The following MME variants were observed in gnomAD, a reference collection of about 807,000 sequenced individuals.
MME encodes neprilysin.
A neutral mutation model predicts 113.2 loss-of-function variants in MME; 98 were observed. The observed-to-expected ratio is 0.87, with a 90% CI of 0.74 to 1.02. MME has a LOEUF of 1.02. MME is among the 50% of genes least tolerant of loss of function. The probability of loss-of-function intolerance (pLI) is 0.00; values close to 1 mark genes in which losing one functional copy is unlikely to be tolerated. For missense variants in MME, 836 were observed against 896.0 expected (o/e 0.93, Z 0.86); for synonymous variants, 292 against 300.6 (o/e 0.97, Z 0.30).
In MME at chr3:155,042,918, ATATATATATATATATATATATG is replaced by A. The variant is rs1274184517; in HGVS notation, c.-11+18614_-11+18635del. Among the ~76,000 whole-genome samples the A allele has an allele frequency of 4.1e-3, 220 of 53,588 alleles. 2 individuals carry two copies. Among genetic ancestry groups the A allele is most frequent in the African/African-American group, 0.017 (185 of 11,180 alleles). 35.2% of individuals were successfully genotyped at this position (53,588 alleles called of 152,430 possible). A position where few individuals can be genotyped will look rare whatever the true frequency, so the allele number is the denominator to read the frequency against. On this transcript the variant is annotated intron_variant, in intron 1 of 22. Transcript: ENST00000492661. ...GTAGGTTTTATATATATATATATAT[ATATATATATATATATATATATG>A]TATATATATATATATATATCACATT...
intron 1 of MME, among the ~76,000 whole-genome samples, chr3:155,029,295 TAA>T (rs915345594): frequency 2.0e-5 from 3 of 152,120 alleles, no homozygotes; most frequent in African/African-American, 7.2e-5. Context: ...TTTGACCATA[TAA>T]GAGTTTCATA....
chr3:155,125,345 A>C (rs1236967103), intron 8 of MME, among the ~76,000 whole-genome samples: 3 of 139,198 alleles, frequency 2.2e-5, no homozygotes, highest in Non-Finnish European at 4.7e-5. Context: ...TGAACCCGGT[A>C]CCTCAGATGG....
chr3:155,166,983 T>A lies in MME; in HGVS notation c.1742T>A (p.Val581Asp), dbSNP rs1173566915. The A allele has an allele frequency of 3.7e-6, 6 of 1,613,642 alleles. No individual in the cohort carries two copies. The highest frequency in any genetic ancestry group is 5.1e-6 in the Non-Finnish European group (6 of 1,179,788). The change falls in exon 18 of 23, where the codon GTC (valine) becomes GAC (aspartate). Residue 581 changes from valine to aspartate, a missense_variant. Transcript: ENST00000360490. Reference sequence around the variant, plus strand: ...TTGAACTATGGGGGCATCGGCATGGTCATAGGACACGAAATCACCCATGGC... The same window carrying A: ...TTGAACTATGGGGGCATCGGCATGGACATAGGACACGAAATCACCCATGGC... ...NSLNYGGIGMVIGHEITHGFD... is the reference protein window; with the variant it reads ...NSLNYGGIGMDIGHEITHGFD...
intron 14 of MME, among the ~76,000 whole-genome samples, chr3:155,144,832 G>A (rs1721385307): frequency 6.6e-6 from 1 of 152,004 alleles, no homozygotes. Flanking sequence ...CATAAGAATA[G>A]GTCTAAGATT....
chr3:155,153,049 T>C (rs912652840), intron 16 of MME, among the ~76,000 whole-genome samples: 4 of 151,824 alleles, frequency 2.6e-5, no homozygotes, highest in African/African-American at 7.3e-5. Flanking sequence ...TTTTTTTTTT[T>C]TTTTTAAGAC....
chr3:155,079,506 G>T (rs940405201), upstream of MME: 5 of 152,184 alleles, frequency 3.3e-5, no homozygotes, highest in East Asian at 1.9e-4. Context: ...GCCACCGCCC[G>T]CCCCCCGTCT....
At position 155,134,209 on chromosome 3, in the gene MME, G is replaced by A. The variant is rs553611247; in HGVS notation, c.721-3893G>A. On this transcript the variant is annotated intron_variant, in intron 8 of 22. Transcript: ENST00000360490. Reference sequence around the variant, plus strand: ...ACATGGATATATTGCATGGTACTGAGGTTTAGAATATGAATGACCCCATCA... The same window carrying A: ...ACATGGATATATTGCATGGTACTGAAGTTTAGAATATGAATGACCCCATCA... 6.6e-5 allele frequency among the ~76,000 whole-genome samples: 10 copies of A among 152,118 alleles called. No homozygotes were observed. The South Asian group carries it at 2.1e-3, about 32-fold the overall frequency.
chr3:155,132,790 C>T (rs1456501221), intron 8 of MME, among the ~76,000 whole-genome samples: 2 of 151,786 alleles, frequency 1.3e-5, no homozygotes, highest in African/African-American at 4.8e-5. Context: ...CGTGGTGGCT[C>T]ATGCTTGTAT....
intron 14 of MME, among the ~76,000 whole-genome samples, chr3:155,145,616 T>A (rs1721442251): frequency 6.6e-6 from 1 of 152,162 alleles, no homozygotes; most frequent in Non-Finnish European, 1.5e-5. Flanking sequence ...GATAAATTAA[T>A]TTCCCATCCT....
intron 4 of MME, 39 bp from the exon 5 acceptor site, chr3:155,116,440 C>A: frequency 7.3e-7 from 1 of 1,369,516 alleles, no homozygotes; most frequent in Non-Finnish European, 1.0e-6. Flanking sequence ...TGCAAATGAG[C>A]AATTATGTTG....
At chr3:155,079,687 G>T (rs1231067629), upstream of MME, 1 of 152,584 alleles carries the variant, frequency 6.6e-6, no homozygotes, top group Non-Finnish European at 1.5e-5. Context: ...TGTGCAAGTG[G>T]CGAAGCTTGA....
In MME at chr3:155,145,263, C is replaced by T. The variant is rs139449220; in HGVS notation, c.1416+806C>T. ...CATGACATGGCTCTGCTTGGTAAAG[C>T]CAGTTGGATTGTTCTGGATCGGCAT... On this transcript the variant is annotated intron_variant, in intron 14 of 22. Coordinates refer to ENST00000360490, the MANE Select transcript of MME (RefSeq NM_007289.4). Among the ~76,000 whole-genome samples the T allele has an allele frequency of 2.9e-4, 44 of 152,154 alleles. No homozygotes were observed. The East Asian group carries it at 7.8e-3, about 27-fold the overall frequency.
Position 155,168,492 on chromosome 3 carries a change from G to A in MME, c.1781G>A (p.Gly594Asp). 1 of 1,610,870 alleles carries A rather than the reference G, an allele frequency of 6.2e-7. No homozygotes were observed. Among genetic ancestry groups the A allele is most frequent in the Non-Finnish European group, 8.5e-7 (1 of 1,177,604 alleles). Residue 594 changes from glycine (G) to aspartate (D), a missense_variant and splice_region_variant, in exon 19 of 23, where the codon GGC (glycine) becomes GAC (aspartate). Physicochemically the swap from Gly to Asp is moderately conservative, Grantham distance 94. Transcript: ENST00000360490. ...TTTTACTTAAATAAATATATTATAGGCAGAAACTTTAACAAAGATGGAGAC... is the reference window on the plus strand; with the variant it reads ...TTTTACTTAAATAAATATATTATAGACAGAAACTTTAACAAAGATGGAGAC... ...HEITHGFDDN[G>D]RNFNKDGDLV...
intron 3 of MME, among the ~76,000 whole-genome samples, chr3:155,107,777 G>T (rs1288304953): frequency 6.6e-6 from 1 of 152,188 alleles, no homozygotes; most frequent in African/African-American, 2.4e-5. Context: ...ACTCAGCTGA[G>T]ATTGAACAAG....
At chr3:155,051,972 C>A (rs1017233875) in intron 1 of MME, among the ~76,000 whole-genome samples, 1 of 152,178 alleles carries the variant, frequency 6.6e-6, no homozygotes, top group South Asian at 2.1e-4. Context: ...GATAAATACA[C>A]CTGTTCCAAA....
At chr3:155,045,485 C>T (rs1410116431) in intron 1 of MME, among the ~76,000 whole-genome samples, 4 of 150,226 alleles carry the variant, frequency 2.7e-5, no homozygotes, top group African/African-American at 9.8e-5. Context: ...GTATAAATGT[C>T]TAGGTAGTTG....
chr3:155,109,175 C>T (rs1029501063), intron 3 of MME, among the ~76,000 whole-genome samples: 1 of 149,512 alleles, frequency 6.7e-6, no homozygotes, highest in Non-Finnish European at 1.5e-5. Flanking sequence ...CAAAACCAGG[C>T]CTGTTGGTGC....
chr3:155,084,145 T>C lies in MME; in HGVS notation c.-10-13T>C. The C allele has an allele frequency of 6.2e-7, 1 of 1,604,656 alleles. No individual in the cohort carries two copies. Among genetic ancestry groups the C allele is most frequent in the South Asian group, 1.1e-5 (1 of 90,772 alleles). On this transcript the variant is annotated splice_polypyrimidine_tract_variant and intron_variant, in intron 1 of 22. Transcript: ENST00000360490. Reference sequence around the variant, plus strand: ...TATTTGTTTTTCATTATTAGTATTTTCATTTTTTGCAGATTTTAGGTGATG... The same window carrying C: ...TATTTGTTTTTCATTATTAGTATTTCCATTTTTTGCAGATTTTAGGTGATG...
At position 155,040,158 on chromosome 3, in the gene MME, T is replaced by A. The variant is rs1047113174; in HGVS notation, c.-11+15834T>A. Among the ~76,000 whole-genome samples the A allele has an allele frequency of 3.9e-5, 6 of 151,950 alleles. No homozygotes were observed. In the South Asian group the frequency reaches 8.3e-4, roughly 21 times the overall value. On this transcript the variant is annotated intron_variant, in intron 1 of 22. Transcript: ENST00000492661. Reference sequence around the variant, plus strand: ...TATAGAGGGTTGTGGAAAGGAGAGGTTGATTGGCTTAATGCAAGATTTCTC... The same window carrying A: ...TATAGAGGGTTGTGGAAAGGAGAGGATGATTGGCTTAATGCAAGATTTCTC...
Sources: allele counts gnomAD v4.1 joint callset (sites outside exome capture counted in the v4.1 genomes callset), GRCh38; gene constraint gnomAD v4.1.1; transcripts MANE v1.5; gene names NCBI Gene and HGNC (gene_info 2026-07-23, HGNC 2026-07-21).